Variants in DISP3 observed in about 807,000 individuals in gnomAD.
The protein encoded by DISP3 is protein dispatched homolog 3.
A neutral mutation model predicts 135.3 loss-of-function variants in DISP3; 101 were observed. That is an observed-to-expected ratio of 0.75 (90% CI 0.64 to 0.88). The LOEUF (loss-of-function observed/expected upper bound fraction) is 0.88. DISP3 is among the 40% of genes least tolerant of loss of function. The probability of loss-of-function intolerance (pLI) is 0.00; values close to 1 mark genes in which losing one functional copy is unlikely to be tolerated. For synonymous variants in DISP3, 856 were observed against 817.0 expected, an observed-to-expected ratio of 1.05 and a Z score of -0.81; for missense variants, 1,713 against 1,878.6, an observed-to-expected ratio of 0.91 and a Z score of 1.63.
chr1:11,526,817 A>G lies in DISP3; in HGVS notation c.2780A>G (p.Lys927Arg). ...KFDFSFYVAT[K>R]EQQHTRKLYF... ...GACTTCAGCTTCTACGTGGCCACCA[A>G]GGAGCAGCAGCACACCCGGTAACAG... Residue 927 changes from lysine to arginine, a missense_variant, in exon 13 of 21, where the codon AAG becomes AGG. Transcript: ENST00000294484. 1 of 1,606,190 alleles carries G rather than the reference A, an allele frequency of 6.2e-7. No homozygotes were observed. Among genetic ancestry groups the G allele is most frequent in the Non-Finnish European group, 8.5e-7 (1 of 1,179,608 alleles).
intron 3 of DISP3, 84 bp from the exon 4 acceptor site, chr1:11,514,306 A>T: frequency 4.1e-6 from 6 of 1,458,696 alleles, no homozygotes; most frequent in Non-Finnish European, 4.8e-6. Context: ...ACAGCTCCTG[A>T]TACTCCTCTA....
chr1:11,488,583 A>C (rs1361902052), intron 1 of DISP3, among the ~76,000 whole-genome samples: 1 of 152,156 alleles, frequency 6.6e-6, no homozygotes, highest in African/African-American at 2.4e-5. Context: ...TGGGACCCAC[A>C]GTCCAGCCAG....
chr1:11,530,766 A>T, intron 15 of DISP3, 141 bp from the exon 16 acceptor site: 1 of 1,128,468 alleles, frequency 8.9e-7, no homozygotes, highest in Non-Finnish European at 1.3e-6. Context: ...GCAGTGGGTG[A>T]GCAGTTGCAG....
Position 11,479,263 on chromosome 1 carries a change from G to T in DISP3, c.-113G>T. On this transcript the variant is annotated 5_prime_UTR_variant, in exon 1 of 21. Transcript: ENST00000294484. ...GCGGCTCCGAGAAGCTTCCCCCTGC[G>T]ACTTCCGCGAGGAGACGAGTCTGCG... 6.3e-6 allele frequency: 1 copy of T among 159,744 alleles called. No individual in the cohort carries two copies. 9.9% of individuals were successfully genotyped at this position (159,744 alleles called of 1,614,324 possible). A position where few individuals can be genotyped will look rare whatever the true frequency, so the allele number is the denominator to read the frequency against.
intron 19 of DISP3, 68 bp from the exon 20 acceptor site, chr1:11,535,410 A>T: frequency 2.0e-6 from 3 of 1,527,678 alleles, no homozygotes; most frequent in Non-Finnish European, 2.6e-6. Context: ...TGGACTCCAG[A>T]CCTCCCTGTT....
chr1:11,502,153 T>TGGCCCAGGCCA lies in DISP3; in HGVS notation c.1096+76_1096+86dup, dbSNP rs1641559726. ...TTTCATACAGCTCTTTATGGAGATT[T>TGGCCCAGGCCA]GGCCCAGGCCAGGCCCAGGCCCAGG... On this transcript the variant is annotated intron_variant, in intron 2 of 20. Coordinates refer to ENST00000294484, the MANE Select transcript of DISP3 (RefSeq NM_020780.2). 6 of 1,503,206 alleles carry TGGCCCAGGCCA rather than the reference T, an allele frequency of 4.0e-6. No homozygotes were observed. In the South Asian group the frequency reaches 4.0e-5, roughly 10 times the overall value. The allele number at this position is 1,503,206 out of a possible 1,614,324, so 93.1% of individuals were successfully genotyped here. A position where few individuals can be genotyped will look rare whatever the true frequency, so the allele number is the denominator to read the frequency against.
chr1:11,519,954 C>T lies in DISP3; in HGVS notation c.2200+74C>T. ...AAACACACAGGAACTGGGAGCCCAC[C>T]CCCTCTCGCAGATGCCCCAGGGTCA... On this transcript the variant is annotated intron_variant, in intron 9 of 20. Coordinates refer to ENST00000294484, the MANE Select transcript of DISP3 (RefSeq NM_020780.2). This position sits in a 1 kb window ranked among gnomAD's most constrained non-coding sequence, Gnocchi z 4.3. The T allele has an allele frequency of 6.9e-7, 1 of 1,458,674 alleles. No homozygotes were observed. Among genetic ancestry groups the T allele is most frequent in the Non-Finnish European group, 9.3e-7 (1 of 1,076,762 alleles). 90.4% of individuals were successfully genotyped at this position (1,458,674 alleles called of 1,614,324 possible).
rs1642157901 is a variant in DISP3, at chr1:11,520,630, A to G, written c.2201-57A>G. Reference sequence around the variant, plus strand: ...TTGTCTCCCGGCACTTTGGAGCCCCACTGGGAACAGACCAGCTGGGCCCAG... The same window carrying G: ...TTGTCTCCCGGCACTTTGGAGCCCCGCTGGGAACAGACCAGCTGGGCCCAG... On this transcript the variant is annotated intron_variant, in intron 9 of 20. Transcript: ENST00000294484. The surrounding 1 kb of genome is among the most constrained non-coding windows in gnomAD (Gnocchi z 4.8). The G allele has an allele frequency of 1.9e-6, 3 of 1,573,032 alleles. No individual in the cohort carries two copies. Among genetic ancestry groups the G allele is most frequent in the Admixed American group, 3.5e-5 (2 of 57,796 alleles).
At chr1:11,490,270 T>C (rs1375890346) in intron 1 of DISP3, among the ~76,000 whole-genome samples, 2 of 152,130 alleles carry the variant, frequency 1.3e-5, no homozygotes, top group Admixed American at 6.5e-5. Context: ...TGTTTTTGTT[T>C]TTGTTTTTGT....
At chr1:11,497,623 C>G (rs529084346) in intron 1 of DISP3, among the ~76,000 whole-genome samples, 1 of 152,286 alleles carries the variant, frequency 6.6e-6, no homozygotes, top group South Asian at 2.1e-4. Flanking sequence ...CTCCTGACCT[C>G]GTGATCCGCC....
At chr1:11,525,049 T>G in intron 11 of DISP3, 127 bp from the exon 12 acceptor site, 2 of 1,151,174 alleles carry the variant, frequency 1.7e-6, no homozygotes, top group Admixed American at 2.1e-5. Flanking sequence ...ACAGCCAGCA[T>G]TTTGAGATGA....
Position 11,501,433 on chromosome 1 carries a change from G to C in DISP3, c.441G>C (p.Thr147=). 1 of 1,593,550 alleles carries C rather than the reference G, an allele frequency of 6.3e-7. No individual in the cohort carries two copies. The change falls in exon 2 of 21, where the codon ACG becomes ACC. Residue 147 remains threonine, a synonymous_variant. Transcript: ENST00000294484. This position sits in a 1 kb window ranked among gnomAD's most constrained non-coding sequence, Gnocchi z 4.9. The part of the protein sequence containing the change: ...RRDLADFTSE[T]LQRLISEQLQ... ...ATTTGGCCGACTTCACCTCCGAGAC[G>C]CTTCAGCGCCTTATCTCAGAGCAGC...
rs1379271701 is a variant in DISP3 at position 11,499,669 on chromosome 1, T to G, written c.-3-1321T>G. On this transcript the variant is annotated intron_variant, in intron 1 of 20. Coordinates refer to ENST00000294484, the MANE Select transcript of DISP3 (RefSeq NM_020780.2). The surrounding 1 kb of genome is among the most constrained non-coding windows in gnomAD (Gnocchi z 5.2). The stretch of plus-strand genomic sequence containing the variant: ...TCATTCTTCCTTTCTGTTTCTTCTT[T>G]TGTTTCCCTATTTGCATCTCAGTCT... Among the ~76,000 whole-genome samples, 1 of 152,066 alleles carries G rather than the reference T, an allele frequency of 6.6e-6. No homozygotes were observed. The highest frequency in any genetic ancestry group is 2.4e-5 in the African/African-American group (1 of 41,400).
rs754658670 is a variant in DISP3 at position 11,531,728 on chromosome 1, C to T, written c.3375+18C>T. 2 of 1,581,978 alleles carry T rather than the reference C, an allele frequency of 1.3e-6. No homozygotes were observed. Among genetic ancestry groups the T allele is most frequent in the South Asian group, 2.4e-5 (2 of 85,028 alleles). ...TCGAGTCGGTGAGCCCAGGCAGCCT[C>T]ACTGGGTGCCATGCTGCGTACTTGC... On this transcript the variant is annotated intron_variant, in intron 17 of 20. Coordinates refer to ENST00000294484, the MANE Select transcript of DISP3 (RefSeq NM_020780.2). This position sits in a 1 kb window ranked among gnomAD's most constrained non-coding sequence, Gnocchi z 5.2.
At chr1:11,500,925 C>T in intron 1 of DISP3, 65 bp from the exon 2 acceptor site, 1 of 1,561,702 alleles carries the variant, frequency 6.4e-7, no homozygotes, top group Non-Finnish European at 8.7e-7. Context: ...GCTGGGCGAA[C>T]TGCACCACAG....
Position 11,529,993 on chromosome 1 carries a change from C to A in DISP3, c.3102+34C>A, listed in dbSNP as rs1007872335. The A allele has an allele frequency of 1.3e-6, 2 of 1,599,618 alleles. No homozygotes were observed. Among genetic ancestry groups the A allele is most frequent in the African/African-American group, 2.7e-5 (2 of 74,796 alleles). ...CATGCGTCGGGCAGATGCCGAGGGC[C>A]CCAGCTGCAACAGTCTTGCAAATAA... On this transcript the variant is annotated intron_variant, in intron 15 of 20. Coordinates refer to ENST00000294484, the MANE Select transcript of DISP3 (RefSeq NM_020780.2). The surrounding 1 kb of genome is among the most constrained non-coding windows in gnomAD (Gnocchi z 4.7).
intron 1 of DISP3, among the ~76,000 whole-genome samples, chr1:11,488,277 G>A (rs376121736): frequency 6.6e-4 from 101 of 152,286 alleles, no homozygotes; most frequent in African/African-American, 2.4e-3. Flanking sequence ...TCCTGTCTCC[G>A]TAGGCAGCTG....
chr1:11,512,056 C>T (rs372066449), intron 3 of DISP3, among the ~76,000 whole-genome samples: 2 of 152,160 alleles, frequency 1.3e-5, no homozygotes, highest in Non-Finnish European at 2.9e-5. Flanking sequence ...CTGCACACAG[C>T]GTGGGGACCC....
chr1:11,527,652 G>A (rs1313390030), intron 13 of DISP3, among the ~76,000 whole-genome samples: 1 of 152,094 alleles, frequency 6.6e-6, no homozygotes, highest in Admixed American at 6.5e-5. Context: ...GCAAAGAGAC[G>A]GGCCCGGGAG....
Sources: gnomAD v4.1 joint callset for allele counts (sites outside exome capture counted in the v4.1 genomes callset) on GRCh38, gnomAD v4.1.1 for gene constraint, Gnocchi (gnomAD v3.1) non-coding constraint, MANE v1.5 for transcripts, NCBI Gene and HGNC (gene_info 2026-07-23, HGNC 2026-07-21) for gene names.